The following CLVS1 variants were observed in gnomAD, a reference collection of about 807,000 sequenced individuals.
CLVS1 encodes the protein clavesin-1.
Under a neutral mutation model 33.1 loss-of-function variants are expected in CLVS1, and 10 were observed. That is an observed-to-expected ratio of 0.30 (90% CI 0.19 to 0.51). The LOEUF (loss-of-function observed/expected upper bound fraction) is 0.51. CLVS1 is among the 20% of genes least tolerant of loss of function. CLVS1 has a pLI of 0.97. For synonymous variants in CLVS1, 163 were observed against 166.1 expected, an observed-to-expected ratio of 0.98 and a Z score of 0.14; for missense variants, 343 against 433.4, an observed-to-expected ratio of 0.79 and a Z score of 1.85.
At chr8:61,192,847 G>A (rs552537069) in intron 2 of CLVS1, among the ~76,000 whole-genome samples, 91 of 143,978 alleles carry the variant, frequency 6.3e-4, no homozygotes, top group African/African-American at 2.1e-3. Context: ...TTAGAATGGC[G>A]ATCATTAAAA....
At chr8:61,357,872 T>C (rs1563514341) in intron 2 of CLVS1, among the ~76,000 whole-genome samples, 2 of 152,110 alleles carry the variant, frequency 1.3e-5, no homozygotes, top group Non-Finnish European at 2.9e-5. Flanking sequence ...GACATTTTCT[T>C]AATAAAAAGT....
intron 2 of CLVS1, among the ~76,000 whole-genome samples, chr8:61,239,364 T>C (rs1050900642): frequency 1.3e-5 from 2 of 152,234 alleles, no homozygotes; most frequent in Non-Finnish European, 1.5e-5. Flanking sequence ...TTTATTGTTG[T>C]TGTGCTTAGA....
chr8:61,352,311 T>C (rs1434341804), intron 2 of CLVS1, among the ~76,000 whole-genome samples: 2 of 151,886 alleles, frequency 1.3e-5, no homozygotes, highest in African/African-American at 4.8e-5. Context: ...AATCCTAAGA[T>C]GTTTAAGTAA....
chr8:61,120,395 G>T (rs1805831671), intron 1 of CLVS1, among the ~76,000 whole-genome samples: 2 of 129,568 alleles, frequency 1.5e-5, no homozygotes, highest in Admixed American at 7.7e-5. Context: ...TCTCCATCCA[G>T]CTTTGTTCCG....
chr8:61,189,809 A>T (rs903356835), intron 2 of CLVS1, among the ~76,000 whole-genome samples: 3 of 152,234 alleles, frequency 2.0e-5, no homozygotes, highest in Non-Finnish European at 4.4e-5. Flanking sequence ...GATCAATTCA[A>T]CAAGAAGAGC....
At chr8:61,211,199 T>G (rs530027630) in intron 2 of CLVS1, among the ~76,000 whole-genome samples, 4 of 152,278 alleles carry the variant, frequency 2.6e-5, no homozygotes, top group African/African-American at 9.6e-5. Flanking sequence ...TACAATGGGC[T>G]GAGGAGTGAA....
At chr8:61,132,532 A>G (rs985147459) in intron 2 of CLVS1, among the ~76,000 whole-genome samples, 5 of 152,230 alleles carry the variant, frequency 3.3e-5, no homozygotes, top group African/African-American at 4.8e-5. Context: ...AAGCAGTTCC[A>G]TAAAAGAGAA....
At chr8:61,184,208 A>G (rs1326808254) in intron 2 of CLVS1, among the ~76,000 whole-genome samples, 2 of 152,206 alleles carry the variant, frequency 1.3e-5, no homozygotes, top group East Asian at 3.9e-4. Flanking sequence ...GAGTGGAAGG[A>G]ACCTCTTCCT....
chr8:61,355,478 T>C (rs1377034883), intron 2 of CLVS1, among the ~76,000 whole-genome samples: 4 of 152,108 alleles, frequency 2.6e-5, no homozygotes, highest in Non-Finnish European at 5.9e-5. Flanking sequence ...GTTAGTTACA[T>C]ATGTATACAT....
chr8:61,147,872 A>G (rs1000939879), intron 2 of CLVS1, among the ~76,000 whole-genome samples: 2 of 152,028 alleles, frequency 1.3e-5, no homozygotes, highest in African/African-American at 2.4e-5. Context: ...TTCAATTGCA[A>G]TGACGCTGTC....
At chr8:61,458,599 T>C in intron 5 of CLVS1, 57 bp downstream of exon 5, 1 of 1,180,462 alleles carries the variant, frequency 8.5e-7, no homozygotes, top group South Asian at 1.6e-5. Context: ...GAATTTTTTA[T>C]TTGGACCTAT....
intron 2 of CLVS1, among the ~76,000 whole-genome samples, chr8:61,165,043 C>T (rs930528427): frequency 2.0e-5 from 3 of 152,146 alleles, no homozygotes; most frequent in East Asian, 1.9e-4. Context: ...TATTAGAAGC[C>T]GTGGGTCACG....
At chr8:61,247,210 A>C (rs1808832167) in intron 2 of CLVS1, among the ~76,000 whole-genome samples, 1 of 152,186 alleles carries the variant, frequency 6.6e-6, no homozygotes, top group South Asian at 2.1e-4. Context: ...ATGAGCATTT[A>C]GGTTGATTCC....
chr8:61,081,869 C>A (rs549706878), intron 1 of CLVS1, among the ~76,000 whole-genome samples: 2 of 152,198 alleles, frequency 1.3e-5, no homozygotes, highest in African/African-American at 4.8e-5. Flanking sequence ...CTATGAGAAC[C>A]AGTATTGGGT....
intron 3 of CLVS1, among the ~76,000 whole-genome samples, chr8:61,431,512 A>G (rs890395710): frequency 6.6e-6 from 1 of 152,210 alleles, no homozygotes; most frequent in Non-Finnish European, 1.5e-5. Flanking sequence ...GACTGACCAC[A>G]TAGCTACCTG....
At chr8:61,455,256 C>T (rs1460779951) in intron 4 of CLVS1, among the ~76,000 whole-genome samples, 1 of 150,840 alleles carries the variant, frequency 6.6e-6, no homozygotes, top group Non-Finnish European at 1.5e-5. Flanking sequence ...ATAAACAATA[C>T]AATATTATTA....
intron 1 of CLVS1, among the ~76,000 whole-genome samples, chr8:61,297,068 G>A (rs184967213): frequency 1.3e-4 from 20 of 152,310 alleles, no homozygotes; most frequent in Middle Eastern, 6.8e-3. Context: ...CAGAGAGAGT[G>A]CAGCTTTTAC....
At chr8:61,491,619 C>A (rs1241691971) in intron 5 of CLVS1, among the ~76,000 whole-genome samples, 3 of 152,086 alleles carry the variant, frequency 2.0e-5, no homozygotes, top group African/African-American at 7.2e-5. Context: ...ATGCTGTAAC[C>A]TCACAGAAGA....
At chr8:61,419,038 T>C (rs561904701) in intron 3 of CLVS1, among the ~76,000 whole-genome samples, 1 of 152,266 alleles carries the variant, frequency 6.6e-6, no homozygotes, top group South Asian at 2.1e-4. Flanking sequence ...AGGTGTTGGA[T>C]GAATTAATGA....
Sources: allele counts gnomAD v4.1 joint callset (sites outside exome capture counted in the v4.1 genomes callset), GRCh38; gene constraint gnomAD v4.1.1; transcripts MANE v1.5; gene names NCBI Gene and HGNC (gene_info 2026-07-23, HGNC 2026-07-21).